Variants in PIP5K1B observed in about 807,000 individuals in gnomAD.
The protein encoded by PIP5K1B is phosphatidylinositol 4-phosphate 5-kinase type-1 beta.
PIP5K1B carries 42 observed loss-of-function variants against 67.0 expected under a neutral mutation model. That is an observed-to-expected ratio of 0.63 (90% CI 0.49 to 0.81). The LOEUF is 0.81. Ranked by LOEUF, PIP5K1B falls within the 30% of genes least tolerant of loss-of-function variation. The pLI is 0.00. For synonymous variants in PIP5K1B, 214 were observed against 231.4 expected (o/e 0.92, Z 0.68); for missense variants, 459 against 646.3 (o/e 0.71, Z 3.14).
chr9:68,942,808 A>G (rs549064253), intron 14 of PIP5K1B, among the ~76,000 whole-genome samples: 1 of 152,338 alleles, frequency 6.6e-6, no homozygotes, highest in South Asian at 2.1e-4. Context: ...ATGCAATTTG[A>G]TATCTTATAT....
rs764194229 is a variant in PIP5K1B at position 68,934,934 on chromosome 9, G to A, written c.1246G>A (p.Ala416Thr). Residue 416 changes from alanine (A) to threonine (T), a missense_variant, in exon 13 of 16, where the codon GCC (alanine) becomes ACC (threonine). Coordinates refer to ENST00000265382, the MANE Select transcript of PIP5K1B (RefSeq NM_003558.4). ...TAAGAAACGGTGCAATTCAATCGCCGCCCTAAAGGCCACTTCACAGGAGAT... is the reference window on the plus strand; with the variant it reads ...TAAGAAACGGTGCAATTCAATCGCCACCCTAAAGGCCACTTCACAGGAGAT... ...PSKKRCNSIA[A>T]LKATSQEIVS... 1.6e-5 allele frequency: 25 copies of A among 1,612,508 alleles called. No individual in the cohort carries two copies. Among genetic ancestry groups the A allele is most frequent in the Middle Eastern group, 1.6e-4 (1 of 6,080 alleles).
At chr9:68,773,960 A>G (rs998082585) in intron 2 of PIP5K1B, among the ~76,000 whole-genome samples, 5 of 152,130 alleles carry the variant, frequency 3.3e-5, no homozygotes, top group East Asian at 1.9e-4. Flanking sequence ...TATTCTTCAC[A>G]TATGTTCTAA....
At chr9:68,861,937 G>T (rs1823103174) in intron 4 of PIP5K1B, among the ~76,000 whole-genome samples, 1 of 151,504 alleles carries the variant, frequency 6.6e-6, no homozygotes, top group Non-Finnish European at 1.5e-5. Context: ...ATGCACTGTG[G>T]GCTTAAGTCT....
intron 1 of PIP5K1B, among the ~76,000 whole-genome samples, chr9:68,724,599 A>G (rs569093417): frequency 8.6e-4 from 130 of 151,986 alleles, no homozygotes; most frequent in African/African-American, 3.0e-3. Context: ...GTCCTCTTCA[A>G]TTTCTTTCAT....
intron 14 of PIP5K1B, among the ~76,000 whole-genome samples, chr9:68,941,803 A>C (rs1316199648): frequency 6.6e-6 from 1 of 152,208 alleles, no homozygotes; most frequent in Admixed American, 6.5e-5. Context: ...ATATCCATAG[A>C]GTCTAGCTTA....
chr9:68,944,621 G>C (rs12342490), intron 14 of PIP5K1B, among the ~76,000 whole-genome samples: 1 of 152,150 alleles, frequency 6.6e-6, no homozygotes, highest in Non-Finnish European at 1.5e-5. Flanking sequence ...TCATTTACAC[G>C]TAGAGGGAAA....
intron 5 of PIP5K1B, among the ~76,000 whole-genome samples, chr9:68,868,197 G>A (rs568189894): frequency 1.4e-4 from 22 of 152,236 alleles, no homozygotes; most frequent in African/African-American, 4.3e-4. Flanking sequence ...CCCAAATTCT[G>A]TGTTGGGATC....
chr9:68,957,004 AT>A (rs1188567049), intron 14 of PIP5K1B, among the ~76,000 whole-genome samples: 1 of 152,196 alleles, frequency 6.6e-6, no homozygotes, highest in African/African-American at 2.4e-5. Flanking sequence ...TTGAGATAGA[AT>A]AAAGGATATT....
intron 4 of PIP5K1B, among the ~76,000 whole-genome samples, chr9:68,840,560 A>G (rs1402306806): frequency 6.6e-6 from 1 of 152,148 alleles, no homozygotes; most frequent in Non-Finnish European, 1.5e-5. Context: ...TGTGTTCCTT[A>G]TGGAGGCTCT....
intron 14 of PIP5K1B, chr9:68,941,033 T>A: frequency 1.6e-6 from 1 of 606,220 alleles, no homozygotes; most frequent in Non-Finnish European, 3.1e-6. Context: ...CTTGGCTCAA[T>A]GGAAGAAGAC....
At chr9:68,864,779 A>T (rs1293239161) in intron 5 of PIP5K1B, among the ~76,000 whole-genome samples, 1 of 152,014 alleles carries the variant, frequency 6.6e-6, no homozygotes, top group Non-Finnish European at 1.5e-5. Flanking sequence ...GAAAATAAAA[A>T]TAAAGATATT....
chr9:68,781,162 G>T (rs1002799471), intron 2 of PIP5K1B: 2 of 1,211,684 alleles, frequency 1.7e-6, no homozygotes, highest in Non-Finnish European at 2.3e-6. Flanking sequence ...TCCCTGAAAT[G>T]ATGTTATTCT....
intron 6 of PIP5K1B, among the ~76,000 whole-genome samples, chr9:68,882,099 G>A (rs1824227190): frequency 6.6e-6 from 1 of 152,192 alleles, no homozygotes; most frequent in South Asian, 2.1e-4. Context: ...GGAAATAGAA[G>A]CAAGAGCATG....
intron 2 of PIP5K1B, among the ~76,000 whole-genome samples, chr9:68,809,179 G>A (rs1833027713): frequency 6.6e-6 from 1 of 151,954 alleles, no homozygotes; most frequent in African/African-American, 2.4e-5. Context: ...TTTCTGCTTT[G>A]GAAACTATGT....
chr9:68,994,379 C>T (rs1830518931), intron 15 of PIP5K1B, among the ~76,000 whole-genome samples: 1 of 152,032 alleles, frequency 6.6e-6, no homozygotes, highest in Non-Finnish European at 1.5e-5. Context: ...AAACAGTAAT[C>T]TATTATATGT....
Position 68,780,755 on chromosome 9 carries a change from T to G in PIP5K1B, c.-85-37706T>G, listed in dbSNP as rs917346030. ...GCCCCATCAATTGCATTAGACCAAGTGTTCTTGGACCATTGAAAAGAAAAT... is the reference window on the plus strand; with the variant it reads ...GCCCCATCAATTGCATTAGACCAAGGGTTCTTGGACCATTGAAAAGAAAAT... On this transcript the variant is annotated intron_variant, in intron 2 of 15. Coordinates refer to ENST00000265382, the MANE Select transcript of PIP5K1B (RefSeq NM_003558.4). The G allele has an allele frequency of 6.2e-7, 1 of 1,614,214 alleles. No individual in the cohort carries two copies. Among genetic ancestry groups the G allele is most frequent in the Non-Finnish European group, 8.5e-7 (1 of 1,180,030 alleles).
At chr9:68,860,936 C>T (rs529523078) in intron 4 of PIP5K1B, among the ~76,000 whole-genome samples, 54 of 152,290 alleles carry the variant, frequency 3.5e-4, no homozygotes, top group African/African-American at 1.2e-3. Flanking sequence ...AGAGTGCCTA[C>T]CTCATACAGT....
intron 14 of PIP5K1B, among the ~76,000 whole-genome samples, chr9:68,960,465 A>T (rs1008239632): frequency 1.3e-5 from 2 of 151,916 alleles, no homozygotes; most frequent in African/African-American, 4.8e-5. Context: ...AGGTCTAGGA[A>T]ATTTTCTTGA....
At chr9:68,889,180 T>C in intron 7 of PIP5K1B, 47 bp downstream of exon 7, 4 of 1,466,474 alleles carry the variant, frequency 2.7e-6, no homozygotes, top group Admixed American at 1.9e-5. Context: ...GTTTAATTAC[T>C]TTCCTCAACA....
Sources: allele counts gnomAD v4.1 joint callset (sites outside exome capture counted in the v4.1 genomes callset), GRCh38; gene constraint gnomAD v4.1.1; transcripts MANE v1.5; gene names NCBI Gene and HGNC (gene_info 2026-07-23, HGNC 2026-07-21).